STPG2: variants seen among roughly 807,000 people sequenced by gnomAD.
The protein encoded by STPG2 is sperm-tail PG-rich repeat-containing protein 2.
STPG2 carries 56 observed loss-of-function variants against 54.2 expected under a neutral mutation model. The ratio of observed to expected loss-of-function variants is 1.03; its 90% CI spans 0.83 to 1.29. The LOEUF is 1.29. Ranked by LOEUF, STPG2 falls within the 50% of genes most tolerant of loss-of-function variation. The probability of loss-of-function intolerance (pLI) is 0.00; values close to 1 mark genes in which losing one functional copy is unlikely to be tolerated. For missense variants in STPG2, 596 were observed against 544.9 expected (o/e 1.09, Z -0.93); for synonymous variants, 200 against 181.8 (o/e 1.10, Z -0.81).
chr4:97,866,042 AAACAGTTG>A (rs1729764900), intron 8 of STPG2, among the ~76,000 whole-genome samples: 1 of 151,908 alleles, frequency 6.6e-6, no homozygotes. Context: ...CTAAAAATTA[AAACAGTTG>A]AACTCATGGA....
chr4:97,805,314 T>G (rs1360466200), intron 9 of STPG2, among the ~76,000 whole-genome samples: 1 of 152,142 alleles, frequency 6.6e-6, no homozygotes, highest in Non-Finnish European at 1.5e-5. Flanking sequence ...GTTGAAGCAA[T>G]TCTCATGCCT....
At chr4:97,586,188 C>T (rs1430625634) in intron 10 of STPG2, among the ~76,000 whole-genome samples, 1 of 151,730 alleles carries the variant, frequency 6.6e-6, no homozygotes, top group Non-Finnish European at 1.5e-5. Flanking sequence ...TAATAGAAAA[C>T]TCCCTGGATG....
intron 5 of STPG2, among the ~76,000 whole-genome samples, chr4:98,031,055 A>G (rs1263922649): frequency 6.6e-6 from 1 of 152,226 alleles, no homozygotes; most frequent in African/African-American, 2.4e-5. Flanking sequence ...TGGTATAAAA[A>G]CAGGCACATA....
intron 4 of STPG2, among the ~76,000 whole-genome samples, chr4:97,500,571 G>C (rs904510663): frequency 6.6e-6 from 1 of 152,020 alleles, no homozygotes; most frequent in African/African-American, 2.4e-5. Context: ...TTAAAAGGCA[G>C]GGCCTAAGAG....
chr4:98,135,018 A>G (rs111418792), intron 1 of STPG2, among the ~76,000 whole-genome samples: 1,775 of 151,902 alleles, frequency 0.012, 29 homozygotes, highest in African/African-American at 0.041. Context: ...TGGAACAAGT[A>G]ATTATAAGAT....
chr4:97,727,621 A>G (rs557598383), intron 9 of STPG2, among the ~76,000 whole-genome samples: 39 of 152,090 alleles, frequency 2.6e-4, no homozygotes, highest in African/African-American at 8.9e-4. Context: ...ACAAGGTTCA[A>G]ACAGGTTTAT....
Position 97,821,289 on chromosome 4 carries a change from C to G in STPG2, c.1204+19484G>C, listed in dbSNP as rs1291350041. ...AAGGCTCCAAAATAATCCCTTATTA[C>G]CCCATATCCTAAATCCAGGGCAAAC... is the stretch of plus-strand genomic sequence containing the variant. On this transcript the variant is annotated intron_variant, in intron 9 of 10. Transcript: ENST00000295268. Among the ~76,000 whole-genome samples the G allele has an allele frequency of 3.3e-5, 5 of 152,284 alleles. No individual in the cohort carries two copies. In the South Asian group the frequency reaches 1.0e-3, roughly 32 times the overall value.
At chr4:97,881,699 T>C (rs1730379870) in intron 8 of STPG2, among the ~76,000 whole-genome samples, 1 of 152,162 alleles carries the variant, frequency 6.6e-6, no homozygotes, top group South Asian at 2.1e-4. Context: ...TAAGTGCACT[T>C]TAAAATGCTA....
chr4:97,880,419 T>A (rs1578650388), intron 8 of STPG2, among the ~76,000 whole-genome samples: 1 of 152,258 alleles, frequency 6.6e-6, no homozygotes, highest in Non-Finnish European at 1.5e-5. Flanking sequence ...GAAGATTGTC[T>A]TCACACATCA....
Position 97,947,660 on chromosome 4 carries a change from T to A in STPG2, c.934-3653A>T, listed in dbSNP as rs186403328. Among the ~76,000 whole-genome samples the A allele has an allele frequency of 6.5e-3, 995 of 152,290 alleles. 15 individuals carry two copies. Among genetic ancestry groups the A allele is most frequent in the Non-Finnish European group, 7.0e-3 (477 of 67,984 alleles). On this transcript the variant is annotated intron_variant, in intron 7 of 10. Coordinates refer to ENST00000295268, the MANE Select transcript of STPG2 (RefSeq NM_174952.3). ...AAATGCTTTTCTGCAGCTATTGAGA[T>A]AACCATATGGTTTTTGTTTTTAATT... is the stretch of plus-strand genomic sequence containing the variant.
chr4:98,139,709 T>C (rs1197777658), intron 1 of STPG2, among the ~76,000 whole-genome samples: 1 of 152,168 alleles, frequency 6.6e-6, no homozygotes. Flanking sequence ...CTGCTCAAAT[T>C]TCCCCAGCAT....
chr4:97,826,417 G>A (rs968393824), intron 9 of STPG2, among the ~76,000 whole-genome samples: 11 of 152,082 alleles, frequency 7.2e-5, no homozygotes, highest in Admixed American at 5.2e-4. Context: ...GAGATTCTGC[G>A]TGCAAACATA....
At chr4:97,929,273 T>C (rs757355365) in intron 8 of STPG2, among the ~76,000 whole-genome samples, 7 of 152,232 alleles carry the variant, frequency 4.6e-5, no homozygotes, top group Non-Finnish European at 8.8e-5. Context: ...CTCCAATCTG[T>C]CATTGATGAG....
chr4:97,850,178 A>C (rs1370017076), intron 8 of STPG2, among the ~76,000 whole-genome samples: 1 of 147,542 alleles, frequency 6.8e-6, no homozygotes, highest in Non-Finnish European at 1.5e-5. Flanking sequence ...AGAACAAAAA[A>C]TCAAACACCG....
At chr4:97,696,010 A>T (rs1286991590) in intron 10 of STPG2, among the ~76,000 whole-genome samples, 1 of 152,130 alleles carries the variant, frequency 6.6e-6, no homozygotes, top group Non-Finnish European at 1.5e-5. Context: ...AACTAGAAAA[A>T]AAAACCTAAA....
At chr4:97,662,197 C>T (rs1049646157) in intron 10 of STPG2, among the ~76,000 whole-genome samples, 2 of 151,914 alleles carry the variant, frequency 1.3e-5, no homozygotes, top group Non-Finnish European at 2.9e-5. Flanking sequence ...GAGCAAATAA[C>T]GCCACTAAAA....
chr4:97,540,484 T>C lies in STPG2; in HGVS notation c.462+172215A>G, dbSNP rs187167713. On this transcript the variant is annotated intron_variant, in intron 4 of 4. Coordinates refer to the STPG2 transcript ENST00000522676. The stretch of plus-strand genomic sequence containing the variant: ...GCTCTGAAATTGAGGTAATAATTAA[T>C]AGCTTACCAACCAAAAAAAGTCCAG... Among the ~76,000 whole-genome samples, 345 of 152,220 alleles carry C rather than the reference T, an allele frequency of 2.3e-3. 3 individuals carry two copies. The Middle Eastern group carries it at 0.034, about 15-fold the overall frequency.
intron 8 of STPG2, among the ~76,000 whole-genome samples, chr4:97,924,914 T>C (rs891974164): frequency 6.6e-6 from 1 of 152,194 alleles, no homozygotes; most frequent in Admixed American, 6.5e-5. Context: ...ATACAAAATG[T>C]TGGATGGATG....
chr4:97,607,787 C>T (rs942583558), intron 10 of STPG2, among the ~76,000 whole-genome samples: 18 of 151,992 alleles, frequency 1.2e-4, no homozygotes, highest in African/African-American at 4.1e-4. Context: ...GGCAAGTGGA[C>T]ATCAGCAGAA....
Sources: allele counts gnomAD v4.1 joint callset (sites outside exome capture counted in the v4.1 genomes callset), GRCh38; gene constraint gnomAD v4.1.1; transcripts MANE v1.5; gene names NCBI Gene and HGNC (gene_info 2026-07-23, HGNC 2026-07-21).